The following FAM187A variants were observed in gnomAD, a reference collection of about 807,000 sequenced individuals.
FAM187A encodes the protein Ig-like V-type domain-containing protein FAM187A.
A neutral mutation model predicts 6.4 loss-of-function variants in FAM187A; 4 were observed. The observed-to-expected ratio is 0.63, with a 90% confidence interval of 0.31 to 1.44. FAM187A has a LOEUF of 1.44. FAM187A is among the 40% of genes most tolerant of loss of function. The probability of loss-of-function intolerance (pLI) is 0.07; values close to 1 mark genes in which losing one functional copy is unlikely to be tolerated. For missense variants in FAM187A, 463 were observed against 542.2 expected (o/e 0.85, Z 1.45); for synonymous variants, 221 against 213.4 (o/e 1.04, Z -0.31).
At chr17:44,905,157 G>A (rs916079648) in exon 4 of FAM187A, 89 of 1,061,814 alleles carry the variant, frequency 8.4e-5, no homozygotes, top group Middle Eastern at 2.1e-4. Context: ...ACCCTGGGTT[G>A]GGACAGGTGG....
exon 4 of FAM187A, chr17:44,903,461 G>A (rs1229352532): frequency 7.9e-6 from 10 of 1,265,476 alleles, no homozygotes. Context: ...GCAGGGCAGG[G>A]CCTGGAGCAC....
exon 4 of FAM187A, chr17:44,904,786 C>T (rs1251527467): frequency 6.4e-7 from 1 of 1,550,682 alleles, no homozygotes; most frequent in East Asian, 2.4e-5. Context: ...TCAACAGGTC[C>T]ATGAGGGTGT....
exon 4 of FAM187A, chr17:44,903,476 G>A: frequency 7.9e-7 from 1 of 1,270,896 alleles, no homozygotes; most frequent in Non-Finnish European, 9.9e-7. Context: ...GAGCACTGAG[G>A]CAGAGATCTC....
chr17:44,904,675 C>T (rs773620053), exon 4 of FAM187A: 206 of 1,550,424 alleles, frequency 1.3e-4, no homozygotes, highest in Non-Finnish European at 1.7e-4. Context: ...AGAGACTGGG[C>T]CATGGACTCA....
At chr17:44,903,845 A>T in exon 4 of FAM187A, 1 of 1,547,042 alleles carries the variant, frequency 6.5e-7, no homozygotes, top group Non-Finnish European at 8.7e-7. Context: ...CCTGGCCCTC[A>T]CCACTGTGCT....
chr17:44,905,295 G>A (rs1016546138), exon 4 of FAM187A: 5 of 559,978 alleles, frequency 8.9e-6, no homozygotes, highest in African/African-American at 1.9e-5. Context: ...GATGGAAGTA[G>A]GGCACATGTG....
At chr17:44,905,217 C>G (rs1026914025) in exon 4 of FAM187A, 3 of 675,238 alleles carry the variant, frequency 4.4e-6, no homozygotes, top group Non-Finnish European at 7.6e-6. Flanking sequence ...TTTTCATGGG[C>G]AGGTCTGGGA....
In FAM187A at chr17:44,904,755, G is replaced by A. The variant is rs548806172; in HGVS notation, c.926G>A (p.Arg309His). 49 of 1,550,568 alleles carry A rather than the reference G, an allele frequency of 3.2e-5. No individual in the cohort carries two copies. In the East Asian group the frequency reaches 3.4e-4, roughly 11 times the overall value. Residue 309 changes from arginine (R) to histidine (H), a missense_variant, in exon 4 of 4, where the codon CGC (arginine) becomes CAC (histidine). Arg to His is a conservative substitution (Grantham distance 29, BLOSUM62 0). Coordinates refer to ENST00000331733, the Ensembl canonical transcript of FAM187A. ...GACAAAGACCGCCAGCACCTCTACC[G>A]CACACAGTACCTGAAGGGTGTCAAC...
exon 4 of FAM187A, chr17:44,904,557 G>A (rs1244209905): frequency 6.4e-7 from 1 of 1,550,626 alleles, no homozygotes; most frequent in Admixed American, 2.0e-5. Flanking sequence ...TTAGTACCCT[G>A]TGAGAAGACA....
At chr17:44,903,551 G>T (rs771403611) in exon 4 of FAM187A, 2 of 1,356,680 alleles carry the variant, frequency 1.5e-6, no homozygotes, top group Non-Finnish European at 1.9e-6. Flanking sequence ...TTGGGTGAGC[G>T]CCAGTGTTCT....
chr17:44,903,553 C>G, exon 4 of FAM187A: 1 of 1,361,704 alleles, frequency 7.3e-7, no homozygotes, highest in Non-Finnish European at 9.4e-7. Context: ...GGGTGAGCGC[C>G]AGTGTTCTAG....
exon 4 of FAM187A, chr17:44,903,502 C>A (rs539555310): frequency 7.8e-7 from 1 of 1,277,022 alleles, no homozygotes; most frequent in Non-Finnish European, 9.9e-7. Flanking sequence ...CCGAGCACCT[C>A]GGCCCGCCCT....
exon 4 of FAM187A, chr17:44,904,097 G>A (rs1389387352): frequency 6.4e-7 from 1 of 1,550,638 alleles, no homozygotes; most frequent in Non-Finnish European, 8.7e-7. Flanking sequence ...GCTGACGGAG[G>A]CAGCCCAGGT....
chr17:44,903,823 T>G, exon 4 of FAM187A: 6 of 1,547,684 alleles, frequency 3.9e-6, no homozygotes, highest in Non-Finnish European at 5.2e-6. Context: ...CCCTGCCTCC[T>G]TCAGGTATGC....
At chr17:44,904,787 A>C in exon 4 of FAM187A, 2 of 1,550,638 alleles carry the variant, frequency 1.3e-6, no homozygotes, top group Non-Finnish European at 1.7e-6. Flanking sequence ...CAACAGGTCC[A>C]TGAGGGTGTT....
chr17:44,905,013 T>C (rs1268955986), exon 4 of FAM187A: 7 of 1,550,606 alleles, frequency 4.5e-6, no homozygotes, highest in African/African-American at 4.1e-5. Flanking sequence ...TTTGTCACCA[T>C]TCACTTCTGT....
Position 44,904,448 on chromosome 17 carries a change from G to GC in FAM187A, c.621dup (p.Val208ArgfsTer26), listed in dbSNP as rs1567767469. On this transcript the variant is annotated frameshift_variant, in exon 4 of 4. Coordinates refer to ENST00000331733, the Ensembl canonical transcript of FAM187A. LOFTEE classifies it low-confidence loss of function (END_TRUNC). ...AGACCTCTCCCCACGCTACCTCAAG[G>GC]CCGTGCCCGATGTGGTGTCTTGTGG... The GC allele has an allele frequency of 6.5e-7, 1 of 1,542,718 alleles. No homozygotes were observed. Among genetic ancestry groups the GC allele is most frequent in the African/African-American group, 1.4e-5 (1 of 72,886 alleles).
rs557759047 is a variant in FAM187A, at chr17:44,903,503, G to C, written c.-327G>C. The C allele has an allele frequency of 9.5e-5, 122 of 1,280,652 alleles. No homozygotes were observed. The Middle Eastern group carries it at 1.8e-3, about 19-fold the overall frequency. 79.3% of individuals were successfully genotyped at this position (1,280,652 alleles called of 1,614,324 possible). Reference sequence around the variant, plus strand: ...AGAGATCTCCCTGCCCGAGCACCTCGGCCCGCCCTTCTCATTCCGGTTTCC... The same window carrying C: ...AGAGATCTCCCTGCCCGAGCACCTCCGCCCGCCCTTCTCATTCCGGTTTCC... On this transcript the variant is annotated 5_prime_UTR_variant, in exon 4 of 4. Transcript: ENST00000331733.
chr17:44,903,980 C>T, exon 4 of FAM187A: 2 of 1,550,646 alleles, frequency 1.3e-6, no homozygotes, highest in Non-Finnish European at 1.7e-6. Context: ...GAGCTTTGAG[C>T]TTCCCTGTCA....
Sources: allele counts gnomAD v4.1 joint callset, GRCh38; gene constraint gnomAD v4.1.1; transcripts MANE v1.5; gene names NCBI Gene and HGNC (gene_info 2026-07-23, HGNC 2026-07-21).